Variants in IL1RAP observed in about 807,000 individuals in gnomAD.
The protein encoded by IL1RAP is interleukin 1 receptor accessory protein, also known as interleukin-1 receptor accessory protein.
In IL1RAP, 35 loss-of-function variants were observed where a neutral mutation model predicts 60.7. The ratio of observed to expected loss-of-function variants is 0.58; its 90% confidence interval spans 0.44 to 0.76. The LOEUF is 0.76. Among genes scored for constraint, IL1RAP ranks in the 30% least tolerant of loss-of-function variants. IL1RAP has a pLI of 0.00. For synonymous variants in IL1RAP, 268 were observed against 250.9 expected (o/e 1.07, Z -0.64); for missense variants, 572 against 693.9 (o/e 0.82, Z 1.97).
chr3:190,536,628 A>G (rs891822284), intron 1 of IL1RAP, among the ~76,000 whole-genome samples: 5 of 152,244 alleles, frequency 3.3e-5, no homozygotes, highest in Admixed American at 2.6e-4. Flanking sequence ...CCATAGGGAC[A>G]TGGTTAAATA....
intron 5 of IL1RAP, among the ~76,000 whole-genome samples, chr3:190,611,877 A>G (rs746122892): frequency 1.9e-4 from 29 of 152,220 alleles, no homozygotes; most frequent in Non-Finnish European, 4.0e-4. Context: ...AGACTGATTT[A>G]AGAGATTTAA....
chr3:190,631,057 A>G (rs1469809869), intron 9 of IL1RAP, among the ~76,000 whole-genome samples: 1 of 152,188 alleles, frequency 6.6e-6, no homozygotes, highest in African/African-American at 2.4e-5. Context: ...ATTTTAAAAA[A>G]TCAATCAAGT....
At chr3:190,553,212 C>T (rs1725024146) in intron 1 of IL1RAP, among the ~76,000 whole-genome samples, 1 of 152,190 alleles carries the variant, frequency 6.6e-6, no homozygotes, top group Non-Finnish European at 1.5e-5. Flanking sequence ...AAGTATTTTA[C>T]AGACCATACA....
At chr3:190,517,537 A>C (rs966732759) in intron 1 of IL1RAP, among the ~76,000 whole-genome samples, 11 of 152,212 alleles carry the variant, frequency 7.2e-5, no homozygotes, top group Admixed American at 4.6e-4. Flanking sequence ...CTGGAGGCTC[A>C]TGTTGGAAGA....
chr3:190,634,352 G>A (rs1457787747), intron 9 of IL1RAP, among the ~76,000 whole-genome samples: 7 of 148,876 alleles, frequency 4.7e-5, no homozygotes, highest in African/African-American at 1.2e-4. Flanking sequence ...ACAGTGGCGC[G>A]ATCTCGGCTC....
At chr3:190,564,146 T>A in intron 2 of IL1RAP, 143 bp from the exon 3 acceptor site, 1 of 605,474 alleles carries the variant, frequency 1.7e-6, no homozygotes, top group Non-Finnish European at 3.0e-6. Context: ...TATTGGTTGG[T>A]TCTGACAATG....
chr3:190,562,538 C>T (rs1725980860), intron 2 of IL1RAP, among the ~76,000 whole-genome samples: 1 of 151,992 alleles, frequency 6.6e-6, no homozygotes, highest in Non-Finnish European at 1.5e-5. Flanking sequence ...TGGAAAAGTG[C>T]CTTTAGAGAA....
At position 190,552,493 on chromosome 3, in the gene IL1RAP, C is replaced by T. The variant is rs539570701; in HGVS notation, c.-88-3637C>T. On this transcript the variant is annotated intron_variant, in intron 1 of 11. Coordinates refer to ENST00000447382, the MANE Select transcript of IL1RAP (RefSeq NM_002182.4). ...CCTGGGCAAGAATTTACATTTTTCTCAAAGATTAAAGTCACGTGAACTGAA... is the reference window on the plus strand; with the variant it reads ...CCTGGGCAAGAATTTACATTTTTCTTAAAGATTAAAGTCACGTGAACTGAA... Among the ~76,000 whole-genome samples, 3 of 152,238 alleles carry T rather than the reference C, an allele frequency of 2.0e-5. 1 individual carries two copies. The East Asian group carries it at 5.8e-4, about 29-fold the overall frequency.
chr3:190,524,188 A>AT (rs1722317240), intron 1 of IL1RAP, among the ~76,000 whole-genome samples: 1 of 151,850 alleles, frequency 6.6e-6, no homozygotes, highest in Non-Finnish European at 1.5e-5. Context: ...TCCTTTGCTC[A>AT]TTTTTTCTAA....
At chr3:190,552,986 C>T (rs1455372568) in intron 1 of IL1RAP, among the ~76,000 whole-genome samples, 1 of 152,130 alleles carries the variant, frequency 6.6e-6, no homozygotes. Flanking sequence ...TCAGATTTTA[C>T]TAAAGGCTCA....
intron 1 of IL1RAP, among the ~76,000 whole-genome samples, chr3:190,552,742 C>T (rs970091493): frequency 6.6e-6 from 1 of 151,940 alleles, no homozygotes; most frequent in African/African-American, 2.4e-5. Context: ...GAGGTCTTTC[C>T]CCTCTCATGC....
chr3:190,518,911 T>A (rs536879361), intron 1 of IL1RAP: 5 of 152,304 alleles, frequency 3.3e-5, no homozygotes, highest in African/African-American at 1.2e-4. Context: ...CCAAACCATA[T>A]CAGCCTGTGT....
intron 2 of IL1RAP, among the ~76,000 whole-genome samples, chr3:190,557,116 G>C (rs1725494397): frequency 6.6e-6 from 1 of 152,172 alleles, no homozygotes; most frequent in African/African-American, 2.4e-5. Context: ...TCAAGACAGT[G>C]AGCTAGTTAC....
chr3:190,636,331 G>A (rs1362793790), intron 9 of IL1RAP, among the ~76,000 whole-genome samples: 1 of 152,010 alleles, frequency 6.6e-6, no homozygotes, highest in African/African-American at 2.4e-5. Context: ...CATATAATAT[G>A]GATTTTTCCA....
chr3:190,600,297 A>T (rs1288475336), intron 3 of IL1RAP, among the ~76,000 whole-genome samples: 1 of 152,192 alleles, frequency 6.6e-6, no homozygotes, highest in Non-Finnish European at 1.5e-5. Context: ...TGGAGAGTAA[A>T]TGTCTGACTG....
chr3:190,604,387 C>T lies in IL1RAP; in HGVS notation c.324C>T (p.Asp108=). ...GGTTCCGGCCCACTCTCCTCAATGA[C>T]ACTGGCAACTATACCTGCATGTTAA... ...VLWFRPTLLN[D]TGNYTCMLRN... Residue 108 remains aspartate, a synonymous_variant, in exon 4 of 12, where the codon GAC becomes GAT. Coordinates refer to ENST00000447382, the MANE Select transcript of IL1RAP (RefSeq NM_002182.4). 1 of 1,613,568 alleles carries T rather than the reference C, an allele frequency of 6.2e-7. No homozygotes were observed. The highest frequency in any genetic ancestry group is 1.7e-5 in the Admixed American group (1 of 59,970).
In IL1RAP at chr3:190,609,114, G is replaced by T; in HGVS notation, c.470G>T (p.Arg157Met). ...HKLYIEYGIQ[R>M]ITCPNVDGYF... is the part of the protein sequence containing the mutation. ...CTGTATATAGAATATGGCATTCAGA[G>T]GATCACTTGTCCAAATGTAGATGGA... Residue 157 changes from arginine (R) to methionine (M), a missense_variant, in exon 5 of 12, where the codon AGG becomes ATG. Physicochemically the swap from Arg to Met is moderately conservative, Grantham distance 91. Transcript: ENST00000447382. 1 of 1,612,788 alleles carries T rather than the reference G, an allele frequency of 6.2e-7. No homozygotes were observed. Among genetic ancestry groups the T allele is most frequent in the Middle Eastern group, 1.7e-4 (1 of 6,058 alleles).
At chr3:190,532,436 G>C (rs1723071500) in intron 1 of IL1RAP, among the ~76,000 whole-genome samples, 1 of 151,828 alleles carries the variant, frequency 6.6e-6, no homozygotes, top group African/African-American at 2.4e-5. Context: ...CTAATTTTTT[G>C]TATTTTTAGT....
At chr3:190,552,737 C>T (rs544526822) in intron 1 of IL1RAP, among the ~76,000 whole-genome samples, 1 of 152,062 alleles carries the variant, frequency 6.6e-6, no homozygotes, top group Non-Finnish European at 1.5e-5. Flanking sequence ...AAACAGAGGT[C>T]TTTCCCCTCT....
Sources: gnomAD v4.1 joint callset for allele counts (sites outside exome capture counted in the v4.1 genomes callset) on GRCh38, gnomAD v4.1.1 for gene constraint, MANE v1.5 for transcripts, NCBI Gene and HGNC (gene_info 2026-07-23, HGNC 2026-07-21) for gene names.